Variants in CHN2 observed in about 807,000 individuals in gnomAD.
CHN2 encodes the protein beta-chimaerin.
A neutral mutation model predicts 56.3 loss-of-function variants in CHN2; 35 were observed. The observed-to-expected ratio is 0.62, with a 90% CI of 0.47 to 0.82. The LOEUF (loss-of-function observed/expected upper bound fraction) is 0.82. CHN2 is among the 40% of genes least tolerant of loss of function. CHN2 has a pLI of 0.00. For missense variants in CHN2, 491 were observed against 580.5 expected, an observed-to-expected ratio of 0.85 and a Z score of 1.58; for synonymous variants, 210 against 212.8, an observed-to-expected ratio of 0.99 and a Z score of 0.12.
At chr7:29,418,135 C>T (rs1489525852) in intron 6 of CHN2, among the ~76,000 whole-genome samples, 2 of 152,238 alleles carry the variant, frequency 1.3e-5, no homozygotes, top group African/African-American at 4.8e-5. Flanking sequence ...GCCTCCACGT[C>T]GGACAGACTT....
chr7:29,392,442 C>T (rs1275745511), intron 3 of CHN2, among the ~76,000 whole-genome samples: 1 of 152,124 alleles, frequency 6.6e-6, no homozygotes, highest in African/African-American at 2.4e-5. Flanking sequence ...CAAATGACAC[C>T]GAGCAGGCTT....
At chr7:29,445,076 G>C in intron 6 of CHN2, 1 of 454,546 alleles carries the variant, frequency 2.2e-6, no homozygotes, top group Non-Finnish European at 4.4e-6. Context: ...GTTGGTCCCA[G>C]CTGGTATGTT....
intron 7 of CHN2, among the ~76,000 whole-genome samples, chr7:29,488,158 T>C (rs1333909408): frequency 6.6e-6 from 1 of 152,180 alleles, no homozygotes; most frequent in Non-Finnish European, 1.5e-5. Flanking sequence ...TGGCCAGCCT[T>C]TCAGAGGGAA....
intron 1 of CHN2, among the ~76,000 whole-genome samples, chr7:29,270,535 G>A (rs907630387): frequency 6.6e-6 from 1 of 150,814 alleles, no homozygotes; most frequent in Non-Finnish European, 1.5e-5. Context: ...CTGGTGGTGC[G>A]CACTTGTAAT....
chr7:29,280,229 C>T (rs984077125), intron 1 of CHN2, among the ~76,000 whole-genome samples: 1 of 151,500 alleles, frequency 6.6e-6, no homozygotes, highest in Non-Finnish European at 1.5e-5. Flanking sequence ...ACTAAAAATA[C>T]AAAAATTAGC....
At chr7:29,365,848 C>G (rs1290086022) in intron 2 of CHN2, among the ~76,000 whole-genome samples, 1 of 152,136 alleles carries the variant, frequency 6.6e-6, no homozygotes, top group Non-Finnish European at 1.5e-5. Flanking sequence ...AACAGTCACT[C>G]TAGCCACCAG....
chr7:29,167,438 TTTGA>T (rs764473998), intron 2 of CHN2, among the ~76,000 whole-genome samples: 44 of 152,320 alleles, frequency 2.9e-4, no homozygotes, highest in Middle Eastern at 3.4e-3. Flanking sequence ...TTTTTGCTTG[TTTGA>T]TTCGCTGGTA....
chr7:29,469,519 T>A (rs992794315), intron 6 of CHN2, among the ~76,000 whole-genome samples: 1 of 152,182 alleles, frequency 6.6e-6, no homozygotes, highest in African/African-American at 2.4e-5. Context: ...TCCTGATCTT[T>A]GCTATTTCTG....
chr7:29,456,032 T>C (rs542920289), intron 6 of CHN2, among the ~76,000 whole-genome samples: 2 of 152,306 alleles, frequency 1.3e-5, no homozygotes, highest in East Asian at 3.9e-4. Flanking sequence ...CCAATAATAA[T>C]AATAACTCTA....
At chr7:29,385,837 A>G (rs559054668) in intron 3 of CHN2, among the ~76,000 whole-genome samples, 11 of 152,328 alleles carry the variant, frequency 7.2e-5, no homozygotes, top group African/African-American at 2.6e-4. Context: ...AATAAACCAA[A>G]TGATTGGGAA....
At chr7:29,356,359 A>G (rs571008296) in intron 2 of CHN2, among the ~76,000 whole-genome samples, 1 of 152,358 alleles carries the variant, frequency 6.6e-6, no homozygotes, top group Admixed American at 6.5e-5. Context: ...CGTATTTGTT[A>G]CAAAAGCAAT....
chr7:29,344,352 C>CCTGCCCTT (rs1797266842), intron 1 of CHN2, among the ~76,000 whole-genome samples: 1 of 152,164 alleles, frequency 6.6e-6, no homozygotes, highest in South Asian at 2.1e-4. Context: ...TTGCATTTTC[C>CCTGCCCTT]CTGCCCTTTA....
chr7:29,494,496 G>A (rs1562657613), intron 7 of CHN2, among the ~76,000 whole-genome samples: 1 of 152,056 alleles, frequency 6.6e-6, no homozygotes, highest in Admixed American at 6.6e-5. Context: ...GCCTCTAAGT[G>A]AATTATGACA....
chr7:29,174,545 A>C (rs1176057762), intron 2 of CHN2, among the ~76,000 whole-genome samples: 1 of 152,160 alleles, frequency 6.6e-6, no homozygotes, highest in Non-Finnish European at 1.5e-5. Flanking sequence ...GGGCAGAAAG[A>C]AAATACCCAA....
At chr7:29,325,762 G>C (rs926940518) in intron 1 of CHN2, among the ~76,000 whole-genome samples, 1 of 152,088 alleles carries the variant, frequency 6.6e-6, no homozygotes, top group Non-Finnish European at 1.5e-5. Flanking sequence ...TTCCTTCCCA[G>C]GACACTGTAC....
At chr7:29,502,544 T>C (rs1790081339) in intron 9 of CHN2, among the ~76,000 whole-genome samples, 1 of 152,192 alleles carries the variant, frequency 6.6e-6, no homozygotes. Context: ...ATTGGAAGGA[T>C]AGCTGGCAAC....
At chr7:29,186,418 A>G (rs963410005) in intron 2 of CHN2, 1 of 152,138 alleles carries the variant, frequency 6.6e-6, no homozygotes, top group African/African-American at 2.4e-5. Context: ...CCCTGTCTCC[A>G]CTAAAAATTT....
intron 1 of CHN2, among the ~76,000 whole-genome samples, chr7:29,308,895 T>A (rs1298898893): frequency 2.6e-5 from 4 of 152,242 alleles, no homozygotes; most frequent in African/African-American, 9.6e-5. Flanking sequence ...TTGTTAATTG[T>A]GTTCCTCTCC....
chr7:29,252,744 C>T (rs567925093), intron 1 of CHN2, among the ~76,000 whole-genome samples: 16 of 127,932 alleles, frequency 1.3e-4, no homozygotes, highest in Non-Finnish European at 1.8e-4. Flanking sequence ...TACAGGCGCC[C>T]GCCACCGCGC....
Sources: allele counts gnomAD v4.1 joint callset (sites outside exome capture counted in the v4.1 genomes callset), GRCh38; gene constraint gnomAD v4.1.1; transcripts MANE v1.5; gene names NCBI Gene and HGNC (gene_info 2026-07-23, HGNC 2026-07-21).